DNAH17: variants seen among roughly 807,000 people sequenced by gnomAD.
The protein encoded by DNAH17 is dynein axonemal heavy chain 17.
DNAH17 carries 376 observed loss-of-function variants against 485.6 expected under a neutral mutation model. That is an observed-to-expected ratio of 0.77 (90% CI 0.71 to 0.84). The LOEUF (loss-of-function observed/expected upper bound fraction) is 0.84. Ranked by LOEUF, DNAH17 falls within the 40% of genes least tolerant of loss-of-function variation. DNAH17 has a pLI of 0.00. For synonymous variants in DNAH17, 3,031 were observed against 2,405.9 expected, an observed-to-expected ratio of 1.26 and a Z score of -7.60; for missense variants, 6,370 against 5,839.3, an observed-to-expected ratio of 1.09 and a Z score of -2.96.
intron 11 of DNAH17, among the ~76,000 whole-genome samples, chr17:78,565,577 A>C (rs2092250315): frequency 6.6e-6 from 1 of 152,186 alleles, no homozygotes; most frequent in Non-Finnish European, 1.5e-5. Flanking sequence ...GGTCCGGCTA[A>C]ACTGTTCAGA....
chr17:78,524,769 G>A (rs1234088149), intron 25 of DNAH17, among the ~76,000 whole-genome samples: 1 of 152,268 alleles, frequency 6.6e-6, no homozygotes, highest in Middle Eastern at 3.4e-3. Context: ...GGGGAAAAAA[G>A]AAAGGGGGGC....
intron 40 of DNAH17, 108 bp from the exon 41 acceptor site, chr17:78,494,281 C>T: frequency 6.8e-7 from 1 of 1,468,944 alleles, no homozygotes; most frequent in Non-Finnish European, 9.1e-7. Flanking sequence ...TAAAGGCGCC[C>T]TTGCCCTCCG....
rs370755169 is a variant in DNAH17 at position 78,530,293 on chromosome 17, G to A, written c.3284+50C>T. The A allele has an allele frequency of 6.8e-5, 104 of 1,533,748 alleles. No individual in the cohort carries two copies. The African/African-American group carries it at 1.1e-3, about 17-fold the overall frequency. Reference sequence around the variant, plus strand: ...CCACTCAAGTGGAAGGCCACTCCCTGGTGCTCTGCACATTCCTTGGGCTCC... The same window carrying A: ...CCACTCAAGTGGAAGGCCACTCCCTAGTGCTCTGCACATTCCTTGGGCTCC... On this transcript the variant is annotated intron_variant, in intron 21 of 80. Transcript: ENST00000389840.
chr17:78,555,385 G>C (rs1163637508), intron 14 of DNAH17, among the ~76,000 whole-genome samples: 3 of 151,886 alleles, frequency 2.0e-5, no homozygotes, highest in African/African-American at 7.3e-5. Context: ...ACCATACCTG[G>C]AGTCCAAGGC....
chr17:78,526,714 C>T lies in DNAH17; in HGVS notation c.3648G>A (p.Glu1216=). 6.2e-7 allele frequency: 1 copy of T among 1,609,592 alleles called. No individual in the cohort carries two copies. Among genetic ancestry groups the T allele is most frequent in the Non-Finnish European group, 8.5e-7 (1 of 1,176,652 alleles). ...AGAACGGGGCCTCGCGCCTGAACCT[C>T]TCCCTGAACTCATGTTGCTTGAGCT... is the stretch of plus-strand genomic sequence containing the variant. ...QFELKQHEFR[E]RFRREAPFSF... is the part of the protein sequence containing the mutation. Residue 1216 remains glutamate, a synonymous_variant, in exon 24 of 81, where the codon GAG becomes GAA. Transcript: ENST00000389840.
intron 67 of DNAH17, 140 bp from the exon 68 acceptor site, chr17:78,450,534 C>G (rs924968033): frequency 4.2e-6 from 6 of 1,421,198 alleles, no homozygotes; most frequent in Non-Finnish European, 5.7e-6. Flanking sequence ...AGGATGGGAG[C>G]CCAGACCCCT....
Position 78,486,384 on chromosome 17 carries a change from G to C in DNAH17, c.6941C>G (p.Thr2314Arg). The C allele has an allele frequency of 6.2e-7, 1 of 1,613,860 alleles. No homozygotes were observed. The highest frequency in any genetic ancestry group is 8.5e-7 in the Non-Finnish European group (1 of 1,179,850). ...GATCACCGTGATCTCCGGCACTGGC[G>C]TGATCTTCTTGAACCCAAAGCGCAA... is the stretch of plus-strand genomic sequence containing the variant. ...DKLRFGFKKI[T>R]PVPEITVIQT... The change falls in exon 45 of 81, where the codon ACG (threonine) becomes AGG (arginine). Residue 2314 changes from threonine (T) to arginine (R), a missense_variant. By Grantham distance (71) the Thr-to-Arg change is moderately conservative. Coordinates refer to ENST00000389840, the MANE Select transcript of DNAH17 (RefSeq NM_173628.4).
chr17:78,526,704 GCCTGAACCTCTC>G lies in DNAH17; in HGVS notation c.3646_3657del (p.Glu1216_Arg1219del), dbSNP rs1568198910. 6.2e-7 allele frequency: 1 copy of G among 1,610,646 alleles called. No individual in the cohort carries two copies. The highest frequency in any genetic ancestry group is 8.5e-7 in the Non-Finnish European group (1 of 1,177,590). On this transcript the variant is annotated inframe_deletion, in exon 24 of 81. Coordinates refer to ENST00000389840, the MANE Select transcript of DNAH17 (RefSeq NM_173628.4). ...TCGCTGAAGGAGAACGGGGCCTCGC[GCCTGAACCTCTC>G]CCTGAACTCATGTTGCTTGAGCTGC...
intron 48 of DNAH17, among the ~76,000 whole-genome samples, chr17:78,481,602 G>A (rs2089353865): frequency 6.6e-6 from 1 of 152,130 alleles, no homozygotes; most frequent in Non-Finnish European, 1.5e-5. Flanking sequence ...GTCATGAGGA[G>A]GATAAAATGA....
intron 26 of DNAH17, among the ~76,000 whole-genome samples, chr17:78,511,594 C>G (rs965114022): frequency 5.3e-5 from 8 of 152,234 alleles, no homozygotes; most frequent in African/African-American, 1.7e-4. Flanking sequence ...ATACCAGGTA[C>G]TTGCCTAGTG....
intron 37 of DNAH17, among the ~76,000 whole-genome samples, chr17:78,498,577 G>A (rs1241905376): frequency 1.3e-5 from 2 of 152,186 alleles, no homozygotes; most frequent in Non-Finnish European, 2.9e-5. Flanking sequence ...TCCGCTGCAC[G>A]CTCTGTGCCC....
chr17:78,482,336 T>C (rs910157598), intron 48 of DNAH17, among the ~76,000 whole-genome samples: 6 of 152,196 alleles, frequency 3.9e-5, no homozygotes, highest in Admixed American at 1.3e-4. Context: ...CTTTTGTTTT[T>C]TTCCCCCATT....
At chr17:78,445,766 T>C (rs563592631) in intron 69 of DNAH17, 86 bp from the exon 70 acceptor site, 45 of 1,470,250 alleles carry the variant, frequency 3.1e-5, no homozygotes, top group Admixed American at 8.4e-5. Context: ...CGAAGAGGAG[T>C]TCACACTCCC....
Position 78,529,571 on chromosome 17 carries a change from T to C in DNAH17, c.3408A>G (p.Gln1136=). Residue 1136 remains glutamine (Q), a synonymous_variant, in exon 22 of 81, where the codon CAA becomes CAG. Coordinates refer to ENST00000389840, the MANE Select transcript of DNAH17 (RefSeq NM_173628.4). ...GCTCAAACATGTTGTCGGTGGCTGC[T>C]TGCCTCTCCTTGACTTTCATCAGGT... The part of the protein sequence containing the change: ...MGHLMKVKER[Q]AATDNMFEPL... The C allele has an allele frequency of 6.2e-7, 1 of 1,613,870 alleles. No individual in the cohort carries two copies. The highest frequency in any genetic ancestry group is 1.1e-5 in the South Asian group (1 of 91,056).
At chr17:78,453,197 T>G in intron 65 of DNAH17, 146 bp downstream of exon 65, 1 of 1,080,950 alleles carries the variant, frequency 9.3e-7, no homozygotes, top group Non-Finnish European at 1.3e-6. Context: ...GGGGGTTCCT[T>G]CCCACCAGCA....
intron 37 of DNAH17, chr17:78,498,697 C>A: frequency 5.0e-6 from 1 of 198,744 alleles, no homozygotes; most frequent in African/African-American, 2.3e-5. Flanking sequence ...CCTCCTATGC[C>A]CAGCTCCGCT....
At chr17:78,487,726 C>T (rs190316621) in intron 44 of DNAH17, among the ~76,000 whole-genome samples, 18 of 152,168 alleles carry the variant, frequency 1.2e-4, no homozygotes, top group African/African-American at 3.1e-4. Flanking sequence ...GGTTTCGCCA[C>T]GTTGGCCAGG....
At chr17:78,459,251 C>A (rs375438067) in intron 60 of DNAH17, 43 bp from the exon 61 acceptor site, 24 of 1,586,902 alleles carry the variant, frequency 1.5e-5, no homozygotes, top group Non-Finnish European at 1.7e-5. Flanking sequence ...CCCTGTCCTG[C>A]TCTGGCAAAA....
chr17:78,459,091 G>A lies in DNAH17; in HGVS notation c.9771C>T (p.Asp3257=), dbSNP rs577640575. The change falls in exon 61 of 81, where the codon GAC becomes GAT. Residue 3257 remains aspartate, a synonymous_variant. Coordinates refer to ENST00000389840, the MANE Select transcript of DNAH17 (RefSeq NM_173628.4). The stretch of plus-strand genomic sequence containing the variant: ...CCAGTGCCTGCCTCTTGGGCGCCAC[G>A]TCGCAGTAGACCTCGTAGAAGCGGA... ...NIVRFYEVYC[D]VAPKRQALEE... The A allele has an allele frequency of 1.7e-5, 27 of 1,614,022 alleles. No homozygotes were observed. The highest frequency in any genetic ancestry group is 1.6e-4 in the Middle Eastern group (1 of 6,062).
Sources: allele counts gnomAD v4.1 joint callset (sites outside exome capture counted in the v4.1 genomes callset), GRCh38; gene constraint gnomAD v4.1.1; transcripts MANE v1.5; gene names NCBI Gene and HGNC (gene_info 2026-07-23, HGNC 2026-07-21).